NRG1: variants seen among roughly 807,000 people sequenced by gnomAD.
NRG1 encodes neuregulin 1, also known as pro-neuregulin-1, membrane-bound isoform.
NRG1 carries 18 observed loss-of-function variants against 63.8 expected under a neutral mutation model. The ratio of observed to expected loss-of-function variants is 0.28; its 90% CI spans 0.19 to 0.42. The LOEUF is 0.42. NRG1 is among the 10% of genes least tolerant of loss of function. The pLI is 1.00. For synonymous variants in NRG1, 302 were observed against 301.3 expected, an observed-to-expected ratio of 1.00 and a Z score of -0.02; for missense variants, 762 against 814.7, an observed-to-expected ratio of 0.94 and a Z score of 0.79.
chr8:32,735,167 G>A (rs576287104), intron 6 of NRG1, among the ~76,000 whole-genome samples: 3 of 152,114 alleles, frequency 2.0e-5, no homozygotes, highest in African/African-American at 7.2e-5. Flanking sequence ...ATATTTCATT[G>A]TGTATATATA....
At chr8:32,563,563 C>T (rs1419493827) in intron 1 of NRG1, among the ~76,000 whole-genome samples, 5 of 152,154 alleles carry the variant, frequency 3.3e-5, no homozygotes, top group Non-Finnish European at 7.4e-5. Flanking sequence ...TTAACTTAGT[C>T]GTCTCTCATG....
chr8:32,695,387 G>A (rs922401210), intron 5 of NRG1, among the ~76,000 whole-genome samples: 2 of 151,120 alleles, frequency 1.3e-5, no homozygotes, highest in Admixed American at 6.6e-5. Context: ...GAGAGAGAGA[G>A]GAAGGAAGGA....
intron 1 of NRG1, among the ~76,000 whole-genome samples, chr8:31,904,142 G>A (rs1585638496): frequency 6.6e-6 from 1 of 152,214 alleles, no homozygotes; most frequent in South Asian, 2.1e-4. Flanking sequence ...TCAATACATT[G>A]ATGTTGCTAA....
intron 1 of NRG1, among the ~76,000 whole-genome samples, chr8:31,962,731 G>A (rs1325885200): frequency 6.6e-6 from 1 of 152,078 alleles, no homozygotes; most frequent in African/African-American, 2.4e-5. Flanking sequence ...TTCTTCCCAG[G>A]ACTGCTGGGT....
intron 1 of NRG1, among the ~76,000 whole-genome samples, chr8:31,724,615 T>C (rs555833506): frequency 1.1e-4 from 16 of 152,328 alleles, no homozygotes; most frequent in African/African-American, 3.8e-4. Flanking sequence ...CAACATTTTT[T>C]TTTATAAACC....
chr8:31,815,799 A>G (rs1277979634), intron 1 of NRG1, among the ~76,000 whole-genome samples: 1 of 152,130 alleles, frequency 6.6e-6, no homozygotes, highest in Non-Finnish European at 1.5e-5. Flanking sequence ...CATTAAAAGT[A>G]GTTACTTTTG....
chr8:31,661,759 A>G (rs1023654635), intron 1 of NRG1, among the ~76,000 whole-genome samples: 4 of 152,246 alleles, frequency 2.6e-5, no homozygotes, highest in African/African-American at 9.6e-5. Context: ...AAAATGTTAA[A>G]AGTCACAGAA....
chr8:31,715,370 G>A (rs1812251608), intron 1 of NRG1, among the ~76,000 whole-genome samples: 1 of 152,086 alleles, frequency 6.6e-6, no homozygotes, highest in Non-Finnish European at 1.5e-5. Context: ...TCCATGATTA[G>A]GATAAGAGAA....
rs367763292 is a variant in NRG1 at position 32,284,489 on chromosome 8, GCCTTCCTTCCTT to G, written c.38-311297_38-311286del. ...ATAATGCTTGCCTCCCTGCCTGCCT[GCCTTCCTTCCTT>G]CCTTCCTTCCTTCCTTCCTTCCTTC... On this transcript the variant is annotated intron_variant, in intron 1 of 10. Coordinates refer to the NRG1 transcript ENST00000519301. 2.7e-3 allele frequency among the ~76,000 whole-genome samples: 354 copies of G among 132,614 alleles called. 1 individual carries two copies. The highest frequency in any genetic ancestry group is 4.5e-3 in the East Asian group (20 of 4,432). The allele number at this position is 132,614 out of a possible 152,430, so 87.0% of individuals were successfully genotyped here. A position where few individuals can be genotyped will look rare whatever the true frequency, so the allele number is the denominator to read the frequency against.
intron 1 of NRG1, among the ~76,000 whole-genome samples, chr8:32,158,617 C>T (rs763705258): frequency 3.6e-4 from 55 of 151,106 alleles, no homozygotes; most frequent in Non-Finnish European, 6.6e-4. Flanking sequence ...AAATAGCTGC[C>T]CCTCACCACC....
intron 1 of NRG1, among the ~76,000 whole-genome samples, chr8:31,882,517 A>T (rs1333354665): frequency 1.3e-5 from 2 of 152,038 alleles, no homozygotes; most frequent in African/African-American, 4.8e-5. Flanking sequence ...AAGTCTTGTT[A>T]TTGAAGAAAC....
intron 5 of NRG1, among the ~76,000 whole-genome samples, chr8:32,712,407 A>G (rs1271448311): frequency 6.6e-6 from 1 of 152,194 alleles, no homozygotes; most frequent in Admixed American, 6.5e-5. Flanking sequence ...AGGAGTTGTA[A>G]GTAAGGAGCA....
chr8:32,097,576 G>A (rs1830051836), intron 1 of NRG1, among the ~76,000 whole-genome samples: 1 of 152,068 alleles, frequency 6.6e-6, no homozygotes, highest in African/African-American at 2.4e-5. Context: ...GTTTTGATTT[G>A]CATTTCCCAA....
At chr8:32,230,260 C>T (rs372791492) in intron 1 of NRG1, among the ~76,000 whole-genome samples, 61 of 152,224 alleles carry the variant, frequency 4.0e-4, no homozygotes, top group African/African-American at 1.4e-3. Context: ...CTTGGGGCAG[C>T]CAACAATTCC....
intron 1 of NRG1, among the ~76,000 whole-genome samples, chr8:32,254,193 G>C (rs192423502): frequency 6.6e-6 from 1 of 151,892 alleles, no homozygotes; most frequent in Middle Eastern, 3.2e-3. Context: ...ATCTCCTTCC[G>C]TTCTGCTCTG....
At chr8:31,783,336 C>G (rs541369777) in intron 1 of NRG1, among the ~76,000 whole-genome samples, 104 of 152,202 alleles carry the variant, frequency 6.8e-4, no homozygotes, top group African/African-American at 2.4e-3. Context: ...TTTTGCTAAA[C>G]AAACAACTAA....
At chr8:32,196,550 C>T (rs555213998) in intron 1 of NRG1, among the ~76,000 whole-genome samples, 60 of 152,266 alleles carry the variant, frequency 3.9e-4, no homozygotes, top group Non-Finnish European at 6.0e-4. Context: ...CTGAATCAGT[C>T]GGGTGCTAGC....
intron 1 of NRG1, among the ~76,000 whole-genome samples, chr8:32,082,689 T>C (rs1217033505): frequency 1.3e-5 from 2 of 152,172 alleles, no homozygotes; most frequent in Non-Finnish European, 2.9e-5. Context: ...CTCATAGACA[T>C]GCATTTGAAC....
At chr8:31,875,019 A>G (rs760173407) in intron 1 of NRG1, among the ~76,000 whole-genome samples, 4 of 152,292 alleles carry the variant, frequency 2.6e-5, no homozygotes, top group Non-Finnish European at 5.9e-5. Flanking sequence ...TCTAGTTGTC[A>G]TTTTCATAGT....
Sources: gnomAD v4.1 joint callset for allele counts (sites outside exome capture counted in the v4.1 genomes callset) on GRCh38, gnomAD v4.1.1 for gene constraint, MANE v1.5 for transcripts, NCBI Gene and HGNC (gene_info 2026-07-23, HGNC 2026-07-21) for gene names.